The following BANK1 variants were observed in gnomAD, a reference collection of about 807,000 sequenced individuals.
BANK1 encodes the protein B cell scaffold protein with ankyrin repeats 1, also known as B-cell scaffold protein with ankyrin repeats.
BANK1 carries 95 observed loss-of-function variants against 94.5 expected under a neutral mutation model. That is an observed-to-expected ratio of 1.00 (90% CI 0.85 to 1.19). BANK1 has a LOEUF of 1.19. Ranked by LOEUF, BANK1 falls within the 50% of genes most tolerant of loss-of-function variation. The pLI, the probability that BANK1 is intolerant of heterozygous loss-of-function variation, is 0.00. For missense variants in BANK1, 987 were observed against 932.2 expected (o/e 1.06, Z -0.77); for synonymous variants, 334 against 308.4 (o/e 1.08, Z -0.87).
chr4:101,792,258 C>G (rs940911208), intron 1 of BANK1, among the ~76,000 whole-genome samples: 30 of 138,688 alleles, frequency 2.2e-4, no homozygotes, highest in African/African-American at 7.1e-4. Flanking sequence ...ATTCCGCTCC[C>G]CCCCCGCCCC....
chr4:102,008,607 G>A (rs1286804973), intron 7 of BANK1, among the ~76,000 whole-genome samples: 1 of 152,158 alleles, frequency 6.6e-6, no homozygotes, highest in Non-Finnish European at 1.5e-5. Flanking sequence ...AGATTTAGAA[G>A]GAATAGCCAG....
intron 1 of BANK1, among the ~76,000 whole-genome samples, chr4:101,799,597 G>A (rs1197963541): frequency 4.6e-5 from 7 of 152,150 alleles, no homozygotes; most frequent in African/African-American, 9.7e-5. Context: ...TTTGGTGGCC[G>A]GGCCTGGTGG....
intron 7 of BANK1, among the ~76,000 whole-genome samples, chr4:102,002,040 C>G (rs1726095734): frequency 6.6e-6 from 1 of 152,244 alleles, no homozygotes; most frequent in African/African-American, 2.4e-5. Flanking sequence ...TGTCTCCCAA[C>G]ACCTCCATGT....
chr4:101,969,945 G>C (rs886975263), intron 7 of BANK1, among the ~76,000 whole-genome samples: 2 of 152,032 alleles, frequency 1.3e-5, no homozygotes, highest in Non-Finnish European at 2.9e-5. Context: ...GTGTATTTAG[G>C]ACCCATTATT....
At chr4:102,061,117 T>C (rs143978981) in intron 12 of BANK1, among the ~76,000 whole-genome samples, 19 of 152,350 alleles carry the variant, frequency 1.2e-4, no homozygotes, top group African/African-American at 4.3e-4. Context: ...AGCTGTTTGA[T>C]TAAACACATT....
Position 101,862,582 on chromosome 4 carries a change from G to C in BANK1, c.681G>C (p.Glu227Asp). The C allele has an allele frequency of 6.2e-7, 1 of 1,610,966 alleles. No homozygotes were observed. The highest frequency in any genetic ancestry group is 8.5e-7 in the Non-Finnish European group (1 of 1,178,140). The change falls in exon 4 of 17, where the codon GAG becomes GAC. Residue 227 changes from glutamate to aspartate, a missense_variant. Transcript: ENST00000322953. ...ATGAAGTAATTGGTGATACTGTAGA[G>C]GTTGAATTTACATCAAGTAATAAGC... ...LRDEVIGDTV[E>D]VEFTSSNKRI...
chr4:101,818,072 G>T (rs1205682853), intron 1 of BANK1, among the ~76,000 whole-genome samples: 2 of 151,954 alleles, frequency 1.3e-5, no homozygotes, highest in African/African-American at 4.8e-5. Flanking sequence ...TTGCTCTTTT[G>T]CTATGAGCAA....
chr4:101,854,955 A>G (rs1356373617), intron 2 of BANK1, 80 bp from the exon 3 acceptor site: 1 of 1,077,486 alleles, frequency 9.3e-7, no homozygotes, highest in African/African-American at 1.6e-5. Flanking sequence ...TTGGTTGTTT[A>G]GCAATTAGTC....
At chr4:101,898,260 T>G (rs184204787) in intron 6 of BANK1, among the ~76,000 whole-genome samples, 114 of 152,120 alleles carry the variant, frequency 7.5e-4, no homozygotes, top group African/African-American at 2.6e-3. Flanking sequence ...CTTCAGAATA[T>G]CTAGCCTTTA....
intron 7 of BANK1, among the ~76,000 whole-genome samples, chr4:101,951,251 G>A (rs1450116362): frequency 6.6e-6 from 1 of 151,996 alleles, no homozygotes; most frequent in South Asian, 2.1e-4. Context: ...TCTTAAATTA[G>A]TCTAAAATTA....
chr4:102,059,348 A>G (rs894153904), intron 11 of BANK1, among the ~76,000 whole-genome samples: 1 of 152,222 alleles, frequency 6.6e-6, no homozygotes, highest in African/African-American at 2.4e-5. Context: ...AAATAATACA[A>G]AAAGTATGTT....
chr4:101,966,091 A>T (rs1367677901), intron 7 of BANK1, among the ~76,000 whole-genome samples: 3 of 152,026 alleles, frequency 2.0e-5, no homozygotes, highest in African/African-American at 7.2e-5. Context: ...GTTCTATTAG[A>T]TTGGCTTATT....
intron 8 of BANK1, among the ~76,000 whole-genome samples, chr4:102,023,942 T>C (rs1001486220): frequency 1.3e-5 from 2 of 152,186 alleles, no homozygotes; most frequent in African/African-American, 4.8e-5. Flanking sequence ...GTGTTTTGTG[T>C]TAAGGATAGA....
At chr4:101,933,919 T>C (rs977521129) in intron 7 of BANK1, among the ~76,000 whole-genome samples, 3 of 151,474 alleles carry the variant, frequency 2.0e-5, no homozygotes, top group African/African-American at 7.3e-5. Context: ...TATTGCTGGC[T>C]TTTTTAGAGT....
At chr4:101,969,985 G>A (rs2148922605) in intron 7 of BANK1, among the ~76,000 whole-genome samples, 1 of 152,234 alleles carries the variant, frequency 6.6e-6, no homozygotes, top group South Asian at 2.1e-4. Flanking sequence ...TGCCACAATA[G>A]TTTCAATCAA....
At chr4:101,913,992 A>T (rs562956342) in intron 6 of BANK1, among the ~76,000 whole-genome samples, 1 of 152,218 alleles carries the variant, frequency 6.6e-6, no homozygotes, top group Non-Finnish European at 1.5e-5. Flanking sequence ...TCTTAAGCGT[A>T]CAATTCAACA....
intron 11 of BANK1, among the ~76,000 whole-genome samples, chr4:102,056,073 G>T (rs1377231735): frequency 1.3e-5 from 2 of 152,068 alleles, no homozygotes; most frequent in Non-Finnish European, 2.9e-5. Context: ...TGAGAGAAAG[G>T]TTTAGATTAT....
chr4:101,909,578 C>T (rs1441853233), intron 6 of BANK1, among the ~76,000 whole-genome samples: 1 of 152,140 alleles, frequency 6.6e-6, no homozygotes, highest in Non-Finnish European at 1.5e-5. Flanking sequence ...AAGCGGTTTT[C>T]TCCCCTGGGT....
intron 11 of BANK1, among the ~76,000 whole-genome samples, chr4:102,048,780 G>T (rs973013212): frequency 6.6e-6 from 1 of 152,126 alleles, no homozygotes; most frequent in Non-Finnish European, 1.5e-5. Flanking sequence ...GCAAGGGATT[G>T]CCAGGAAGTT....
Sources: allele counts gnomAD v4.1 joint callset (sites outside exome capture counted in the v4.1 genomes callset), GRCh38; gene constraint gnomAD v4.1.1; transcripts MANE v1.5; gene names NCBI Gene and HGNC (gene_info 2026-07-23, HGNC 2026-07-21).